Variants in RGS6 observed in about 807,000 individuals in gnomAD.
RGS6 encodes regulator of G-protein signaling 6.
Under a neutral mutation model 78.5 loss-of-function variants are expected in RGS6, and 30 were observed. The ratio of observed to expected loss-of-function variants is 0.38; its 90% CI spans 0.29 to 0.52. RGS6 has a LOEUF of 0.52. Among genes scored for constraint, RGS6 ranks in the 20% least tolerant of loss-of-function variants. The pLI, the probability that RGS6 is intolerant of heterozygous loss-of-function variation, is 0.85. For synonymous variants in RGS6, 206 were observed against 206.0 expected, an observed-to-expected ratio of 1.00 and a Z score of 0.00; for missense variants, 495 against 609.7, an observed-to-expected ratio of 0.81 and a Z score of 1.98.
Position 72,298,326 on chromosome 14 carries a change from C to T in RGS6, c.85-53769C>T, listed in dbSNP as rs142604674. Among the ~76,000 whole-genome samples, 315 of 150,526 alleles carry T rather than the reference C, an allele frequency of 2.1e-3. 1 individual carries two copies. Among genetic ancestry groups the T allele is most frequent in the Non-Finnish European group, 3.6e-3 (245 of 67,858 alleles). ...ATTCCAGGGTTAAACTTCACTTGGCCGTGATATATTATTATTATTATGTAT... is the reference window on the plus strand; with the variant it reads ...ATTCCAGGGTTAAACTTCACTTGGCTGTGATATATTATTATTATTATGTAT... On this transcript the variant is annotated intron_variant, in intron 2 of 17. Transcript: ENST00000553525.
the RGS6 span, among the ~76,000 whole-genome samples, chr14:72,595,637 G>A: frequency 6.6e-6 from 1 of 152,168 alleles, no homozygotes; most frequent in Non-Finnish European, 1.5e-5. Context: ...GAATAAGGCT[G>A]ATTCACCATC....
At chr14:72,540,169 TTTC>T in intron 17 of RGS6, 75 bp downstream of exon 17, 1 of 1,525,934 alleles carries the variant, frequency 6.6e-7, no homozygotes, top group Admixed American at 2.0e-5. Flanking sequence ...TTTTTTTTTT[TTTC>T]CCTTTGGTTG....
At chr14:72,542,678 A>G (rs1214373845) in intron 17 of RGS6, among the ~76,000 whole-genome samples, 2 of 152,196 alleles carry the variant, frequency 1.3e-5, no homozygotes, top group African/African-American at 2.4e-5. Flanking sequence ...AATAATGTTG[A>G]TCCAGGTGAT....
chr14:72,600,897 A>T, the RGS6 span, among the ~76,000 whole-genome samples: 1 of 151,890 alleles, frequency 6.6e-6, no homozygotes, highest in East Asian at 1.9e-4. Flanking sequence ...CTCCCACTTG[A>T]CTGTAGCCCT....
rs1171778554 is a variant in RGS6, at chr14:72,541,530, G to A, written c.1422+1436G>A. On this transcript the variant is annotated intron_variant, in intron 17 of 17. Transcript: ENST00000553525. ...TATCTTCATGGCTGCTTTGCCAATG[G>A]CCGTGTGGCTCCGCACACCAAGAAG... 2.0e-6 allele frequency: 3 copies of A among 1,535,704 alleles called. No individual in the cohort carries two copies. The East Asian group carries it at 7.3e-5, about 38-fold the overall frequency.
Position 71,994,931 on chromosome 14 carries a change from G to A in RGS6, c.84+30056G>A, listed in dbSNP as rs1015096108. Among the ~76,000 whole-genome samples, 7 of 152,076 alleles carry A rather than the reference G, an allele frequency of 4.6e-5. No homozygotes were observed. In the East Asian group the frequency reaches 1.2e-3, roughly 25 times the overall value. ...GGCCCCAAGAAAGTACCACAAGCCT[G>A]AGGTTTTCACCGTCCTTACAGCCAG... On this transcript the variant is annotated intron_variant, in intron 2 of 17. Transcript: ENST00000553525.
Position 71,976,383 on chromosome 14 carries a change from G to C in RGS6, c.84+11508G>C, listed in dbSNP as rs904327349. On this transcript the variant is annotated intron_variant, in intron 2 of 17. Coordinates refer to ENST00000553525, the MANE Select transcript of RGS6 (RefSeq NM_001204424.2). The stretch of plus-strand genomic sequence containing the variant: ...CCACTAACTCGTCATCTAGCATTAG[G>C]TATATCTCCCAATGCTATCCCTCCC... Among the ~76,000 whole-genome samples the C allele has an allele frequency of 5.8e-3, 864 of 150,064 alleles. 8 individuals are homozygous for C. Among genetic ancestry groups the C allele is most frequent in the Non-Finnish European group, 8.0e-3 (543 of 67,590 alleles).
intron 15 of RGS6, among the ~76,000 whole-genome samples, chr14:72,531,815 A>T (rs2097186587): frequency 6.6e-6 from 1 of 152,236 alleles, no homozygotes; most frequent in East Asian, 1.9e-4. Context: ...AACACTTAAA[A>T]TCTACTCTCA....
intron 2 of RGS6, among the ~76,000 whole-genome samples, chr14:72,311,092 G>A (rs1016011570): frequency 2.0e-5 from 3 of 152,190 alleles, no homozygotes; most frequent in Admixed American, 1.3e-4. Context: ...AGAGAGAAGC[G>A]AAGACCATTT....
In RGS6 at chr14:72,397,396, T is replaced by G. The variant is rs540558264; in HGVS notation, c.184+45202T>G. Among the ~76,000 whole-genome samples, 90 of 151,988 alleles carry G rather than the reference T, an allele frequency of 5.9e-4. 1 individual carries two copies. The highest frequency in any genetic ancestry group is 1.3e-3 in the South Asian group (6 of 4,778). On this transcript the variant is annotated intron_variant, in intron 3 of 17. Coordinates refer to ENST00000553525, the MANE Select transcript of RGS6 (RefSeq NM_001204424.2). ...AATGCTTGTGATTTTTGCACATTGA[T>G]TTTGTATCCTGAGACTTTGCTGAAG...
At position 72,208,300 on chromosome 14, in the gene RGS6, AAC is replaced by A. The variant is rs527556572; in HGVS notation, c.85-143791_85-143790del. On this transcript the variant is annotated intron_variant, in intron 2 of 17. Transcript: ENST00000553525. ...AGAGCATGGAACCAACACAGAGGGA[AAC>A]ACAGCTGAGCAAAGAGAGAGAAGTC... Among the ~76,000 whole-genome samples the A allele has an allele frequency of 1.8e-3, 273 of 152,352 alleles. 2 individuals carry two copies. Among genetic ancestry groups the A allele is most frequent in the Non-Finnish European group, 2.1e-3 (142 of 68,042 alleles).
chr14:71,915,450 G>A, the RGS6 span, among the ~76,000 whole-genome samples: 1 of 152,070 alleles, frequency 6.6e-6, no homozygotes, highest in Admixed American at 6.5e-5. Context: ...AGAGATGCCT[G>A]TGAGTTCCCT....
intron 2 of RGS6, among the ~76,000 whole-genome samples, chr14:72,349,691 C>T (rs535271693): frequency 6.6e-6 from 1 of 152,244 alleles, no homozygotes; most frequent in South Asian, 2.1e-4. Flanking sequence ...GAAAAAGGAC[C>T]TCTTTAGTAA....
chr14:72,453,810 C>T (rs998555185), intron 3 of RGS6, among the ~76,000 whole-genome samples: 1 of 152,012 alleles, frequency 6.6e-6, no homozygotes, highest in Non-Finnish European at 1.5e-5. Context: ...TGGCTCCCTG[C>T]CTATTGTGGC....
the RGS6 span, among the ~76,000 whole-genome samples, chr14:72,608,427 C>T: frequency 2.0e-5 from 3 of 152,048 alleles, no homozygotes; most frequent in Admixed American, 6.5e-5. Context: ...TGCTCCTTGC[C>T]CAGGGCAGCC....
chr14:72,016,901 TG>T (rs1026687495), intron 2 of RGS6, among the ~76,000 whole-genome samples: 5 of 152,352 alleles, frequency 3.3e-5, no homozygotes, highest in African/African-American at 1.2e-4. Context: ...TCTCTTATCC[TG>T]GGTCTTCTCA....
Position 72,239,952 on chromosome 14 carries a change from C to T in RGS6, c.85-112143C>T, listed in dbSNP as rs561179011. Among the ~76,000 whole-genome samples, 98 of 152,284 alleles carry T rather than the reference C, an allele frequency of 6.4e-4. 1 individual carries two copies. The highest frequency in any genetic ancestry group is 3.4e-3 in the Middle Eastern group (1 of 294). ...GGATCTTTCAAATGCTCACTAACAC[C>T]ACTGTCTTGGTACTTCCTGCTTAGG... On this transcript the variant is annotated intron_variant, in intron 2 of 17. Coordinates refer to ENST00000553525, the MANE Select transcript of RGS6 (RefSeq NM_001204424.2).
At chr14:72,462,335 C>G (rs548108552) in intron 6 of RGS6, among the ~76,000 whole-genome samples, 1 of 152,128 alleles carries the variant, frequency 6.6e-6, no homozygotes, top group South Asian at 2.1e-4. Context: ...TATAAAAAGG[C>G]CTTGGCAGTC....
intron 7 of RGS6, among the ~76,000 whole-genome samples, chr14:72,467,143 T>A (rs2095938622): frequency 6.6e-6 from 1 of 152,144 alleles, no homozygotes; most frequent in Non-Finnish European, 1.5e-5. Flanking sequence ...TTTTTTTAAC[T>A]TTTGGTTGCA....
Sources: allele counts gnomAD v4.1 joint callset (sites outside exome capture counted in the v4.1 genomes callset), GRCh38; gene constraint gnomAD v4.1.1; transcripts MANE v1.5; gene names NCBI Gene and HGNC (gene_info 2026-07-23, HGNC 2026-07-21).